The following HS3ST4 variants were observed in gnomAD, a reference collection of about 807,000 sequenced individuals.
HS3ST4 encodes heparan sulfate-glucosamine 3-sulfotransferase 4, also known as heparan sulfate glucosamine 3-O-sulfotransferase 4.
In HS3ST4, 17 loss-of-function variants were observed where a neutral mutation model predicts 29.2. The observed-to-expected ratio is 0.58, with a 90% confidence interval of 0.40 to 0.87. The LOEUF is 0.87. HS3ST4 is among the 40% of genes least tolerant of loss of function. The pLI is 0.00. For synonymous variants in HS3ST4, 314 were observed against 285.7 expected (o/e 1.10, Z -1.00); for missense variants, 627 against 634.5 (o/e 0.99, Z 0.13).
At chr16:25,911,495 GGTTT>G (rs1968238490) in intron 1 of HS3ST4, among the ~76,000 whole-genome samples, 3 of 131,306 alleles carry the variant, frequency 2.3e-5, no homozygotes, top group East Asian at 4.6e-4. Context: ...TCCGTTGTGT[GGTTT>G]TTTTTTTTTT....
intron 1 of HS3ST4, among the ~76,000 whole-genome samples, chr16:26,124,082 G>C (rs796507028): frequency 6.6e-6 from 1 of 151,994 alleles, no homozygotes; most frequent in Non-Finnish European, 1.5e-5. Flanking sequence ...CACCACACCC[G>C]TCTAATTTTG....
chr16:25,998,447 T>C (rs1969176089), intron 1 of HS3ST4, among the ~76,000 whole-genome samples: 1 of 152,186 alleles, frequency 6.6e-6, no homozygotes, highest in South Asian at 2.1e-4. Context: ...TCATATTGAG[T>C]TAGTCGTTGA....
At chr16:26,049,405 A>G (rs1337434714) in intron 1 of HS3ST4, among the ~76,000 whole-genome samples, 1 of 125,978 alleles carries the variant, frequency 7.9e-6, no homozygotes, top group Non-Finnish European at 1.6e-5. Context: ...ACATCCGGAG[A>G]ATGATGTGGC....
chr16:25,734,119 AAAAAC>A (rs541002328), intron 1 of HS3ST4, among the ~76,000 whole-genome samples: 1,931 of 152,300 alleles, frequency 0.013, 27 homozygotes, highest in African/African-American at 0.041. Flanking sequence ...TCCGTCTCAA[AAAAAC>A]AAAACAAAAC....
chr16:26,013,969 C>T (rs1324236476), intron 1 of HS3ST4, among the ~76,000 whole-genome samples: 1 of 151,730 alleles, frequency 6.6e-6, no homozygotes, highest in African/African-American at 2.4e-5. Context: ...GATCGCGCCA[C>T]CGCATTCCAG....
chr16:25,902,843 A>G (rs1421280318), intron 1 of HS3ST4, among the ~76,000 whole-genome samples: 1 of 152,094 alleles, frequency 6.6e-6, no homozygotes, highest in Non-Finnish European at 1.5e-5. Context: ...CATGCCTGCA[A>G]TTCCAGCACC....
At chr16:25,780,406 C>A (rs1966851594) in intron 1 of HS3ST4, among the ~76,000 whole-genome samples, 1 of 152,178 alleles carries the variant, frequency 6.6e-6, no homozygotes, top group Non-Finnish European at 1.5e-5. Context: ...GACTGTCTGT[C>A]TCTCTCTGCA....
chr16:25,966,587 AC>A, intron 1 of HS3ST4, among the ~76,000 whole-genome samples: 1 of 152,126 alleles, frequency 6.6e-6, no homozygotes, highest in Non-Finnish European at 1.5e-5. Flanking sequence ...GGGCAGACTG[AC>A]TTTTGACTAG....
At chr16:25,725,731 T>C (rs1966530745) in intron 1 of HS3ST4, among the ~76,000 whole-genome samples, 1 of 150,676 alleles carries the variant, frequency 6.6e-6, no homozygotes, top group African/African-American at 2.4e-5. Context: ...TTAAATAGAA[T>C]GCAAATACAT....
intron 1 of HS3ST4, among the ~76,000 whole-genome samples, chr16:25,695,923 G>T (rs1966292609): frequency 6.6e-6 from 1 of 152,154 alleles, no homozygotes; most frequent in South Asian, 2.1e-4. Flanking sequence ...AGAAATTGGG[G>T]CTGCTCTCTG....
In HS3ST4 at chr16:26,004,787, T is replaced by C. The variant is rs542718237; in HGVS notation, c.735-130825T>C. Among the ~76,000 whole-genome samples the C allele has an allele frequency of 5.3e-5, 8 of 152,330 alleles. No homozygotes were observed. In the East Asian group the frequency reaches 1.5e-3, roughly 29 times the overall value. On this transcript the variant is annotated intron_variant, in intron 1 of 1. Transcript: ENST00000331351. ...GTATGATGTGGCACATCATGATACC[T>C]CATGAAGAATAAAATTAAACACCCA...
intron 1 of HS3ST4, among the ~76,000 whole-genome samples, chr16:25,878,416 A>G (rs1424130885): frequency 1.3e-5 from 2 of 152,330 alleles, no homozygotes; most frequent in African/African-American, 2.4e-5. Flanking sequence ...GATGCTCAGA[A>G]GTGCTAGTAT....
intron 1 of HS3ST4, among the ~76,000 whole-genome samples, chr16:25,860,781 A>G (rs572902901): frequency 6.6e-6 from 1 of 152,328 alleles, no homozygotes; most frequent in African/African-American, 2.4e-5. Flanking sequence ...GTATGATACT[A>G]CGATGGTGGA....
chr16:25,783,339 G>A (rs1470699578), intron 1 of HS3ST4, among the ~76,000 whole-genome samples: 1 of 152,088 alleles, frequency 6.6e-6, no homozygotes, highest in Non-Finnish European at 1.5e-5. Context: ...CATATCTCTA[G>A]TTTTTGCAGT....
At chr16:25,873,469 T>C (rs1409799268) in intron 1 of HS3ST4, among the ~76,000 whole-genome samples, 2 of 81,002 alleles carry the variant, frequency 2.5e-5, no homozygotes, top group Non-Finnish European at 4.9e-5. Flanking sequence ...TACCCACCCA[T>C]CCATCTATCT....
intron 1 of HS3ST4, among the ~76,000 whole-genome samples, chr16:26,057,564 C>A (rs556777938): frequency 6.6e-6 from 1 of 152,102 alleles, no homozygotes; most frequent in Non-Finnish European, 1.5e-5. Flanking sequence ...ACCATCCTGG[C>A]CAACATGGTG....
chr16:26,064,147 C>T (rs1051808256), intron 1 of HS3ST4, among the ~76,000 whole-genome samples: 5 of 152,148 alleles, frequency 3.3e-5, no homozygotes, highest in African/African-American at 7.2e-5. Context: ...ACAGCACAGA[C>T]CCTCTTTAAG....
intron 1 of HS3ST4, among the ~76,000 whole-genome samples, chr16:26,018,245 T>A (rs1476043655): frequency 6.6e-6 from 1 of 152,142 alleles, no homozygotes; most frequent in African/African-American, 2.4e-5. Flanking sequence ...ACTAAATGAA[T>A]GGAAGTGAAT....
intron 1 of HS3ST4, among the ~76,000 whole-genome samples, chr16:26,108,906 A>G (rs1567314000): frequency 1.3e-5 from 2 of 152,136 alleles, no homozygotes. Context: ...GGTGTTGAGC[A>G]TTGGAGCCTA....
Sources: gnomAD v4.1 joint callset for allele counts (sites outside exome capture counted in the v4.1 genomes callset) on GRCh38, gnomAD v4.1.1 for gene constraint, MANE v1.5 for transcripts, NCBI Gene and HGNC (gene_info 2026-07-23, HGNC 2026-07-21) for gene names.